The following CD109 variants were observed in gnomAD, a reference collection of about 807,000 sequenced individuals.
CD109 encodes the protein CD109 antigen.
A neutral mutation model predicts 165.8 loss-of-function variants in CD109; 149 were observed. The ratio of observed to expected loss-of-function variants is 0.90; its 90% CI spans 0.79 to 1.03. The LOEUF is 1.03. CD109 is among the 50% of genes least tolerant of loss of function. The pLI is 0.00. For missense variants in CD109, 1,712 were observed against 1,677.8 expected (o/e 1.02, Z -0.36); for synonymous variants, 585 against 592.1 (o/e 0.99, Z 0.18).
At chr6:73,781,007 G>A (rs1405974109) in intron 16 of CD109, among the ~76,000 whole-genome samples, 3 of 143,770 alleles carry the variant, frequency 2.1e-5, no homozygotes, top group East Asian at 2.0e-4. Context: ...ATGTGTATGC[G>A]TGTGTGTGTG....
chr6:73,809,715 G>A (rs1426074882), intron 26 of CD109, among the ~76,000 whole-genome samples: 1 of 152,072 alleles, frequency 6.6e-6, no homozygotes, highest in African/African-American at 2.4e-5. Context: ...AACAGAAATT[G>A]GACACACTTC....
chr6:73,781,669 TG>T (rs1774504799), intron 17 of CD109, among the ~76,000 whole-genome samples: 5 of 57,496 alleles, frequency 8.7e-5, no homozygotes, highest in Admixed American at 1.9e-4. Flanking sequence ...AACATATTTT[TG>T]AAATATTTTT....
At chr6:73,702,036 G>A (rs1467711801) in intron 2 of CD109, among the ~76,000 whole-genome samples, 1 of 152,156 alleles carries the variant, frequency 6.6e-6, no homozygotes, top group East Asian at 1.9e-4. Flanking sequence ...TGGTTTGGGG[G>A]CACCATTTTT....
chr6:73,743,979 C>T (rs752090018), intron 5 of CD109, among the ~76,000 whole-genome samples: 1 of 152,126 alleles, frequency 6.6e-6, no homozygotes, highest in Non-Finnish European at 1.5e-5. Context: ...CCAAAGGCCC[C>T]GATAAACACC....
intron 23 of CD109, among the ~76,000 whole-genome samples, chr6:73,793,735 T>C (rs1238617938): frequency 6.6e-6 from 1 of 152,218 alleles, no homozygotes; most frequent in African/African-American, 2.4e-5. Flanking sequence ...AGTCTCAGTT[T>C]TGTATTTCCT....
chr6:73,686,040 T>G, the CD109 span, among the ~76,000 whole-genome samples: 2 of 152,276 alleles, frequency 1.3e-5, no homozygotes, highest in Non-Finnish European at 2.9e-5. Flanking sequence ...CCATTTTGCA[T>G]GATATTAGCT....
In CD109 at chr6:73,782,597, T is replaced by A; in HGVS notation, c.1964-17T>A. On this transcript the variant is annotated splice_polypyrimidine_tract_variant and intron_variant, in intron 17 of 32. Coordinates refer to ENST00000287097, the MANE Select transcript of CD109 (RefSeq NM_133493.5). Reference sequence around the variant, plus strand: ...CCAGTGACTGTTTTTCTAACTACTGTCAATGTTTATTTATAGATGACAATG... The same window carrying A: ...CCAGTGACTGTTTTTCTAACTACTGACAATGTTTATTTATAGATGACAATG... 1 of 1,606,026 alleles carries A rather than the reference T, an allele frequency of 6.2e-7. No homozygotes were observed. The highest frequency in any genetic ancestry group is 8.5e-7 in the Non-Finnish European group (1 of 1,174,054).
chr6:73,780,521 A>G, intron 16 of CD109, 23 bp downstream of exon 16: 1 of 1,462,710 alleles, frequency 6.8e-7, no homozygotes, highest in Non-Finnish European at 9.6e-7. Flanking sequence ...TGCTATATTG[A>G]AAAGATATTA....
chr6:73,716,171 T>C (rs1424075428), intron 2 of CD109, among the ~76,000 whole-genome samples: 1 of 152,230 alleles, frequency 6.6e-6, no homozygotes, highest in African/African-American at 2.4e-5. Flanking sequence ...TCTTTATCCA[T>C]TCATTTGTTG....
chr6:73,753,037 C>CT (rs1223256647), intron 5 of CD109, among the ~76,000 whole-genome samples: 1 of 151,986 alleles, frequency 6.6e-6, no homozygotes, highest in Non-Finnish European at 1.5e-5. Context: ...CATTTTATTC[C>CT]TTTTTTTAAA....
intron 23 of CD109, among the ~76,000 whole-genome samples, chr6:73,794,615 G>A (rs757318252): frequency 1.3e-5 from 2 of 152,142 alleles, no homozygotes; most frequent in African/African-American, 2.4e-5. Flanking sequence ...AAGGGGTTGC[G>A]GGTCAGGAAC....
intron 5 of CD109, among the ~76,000 whole-genome samples, chr6:73,748,720 G>C (rs1773075435): frequency 6.6e-6 from 1 of 152,218 alleles, no homozygotes; most frequent in African/African-American, 2.4e-5. Context: ...AGCTGATTCT[G>C]ATGCTGAGTT....
At chr6:73,786,389 A>T (rs1275601281) in intron 20 of CD109, among the ~76,000 whole-genome samples, 3 of 151,922 alleles carry the variant, frequency 2.0e-5, no homozygotes, top group African/African-American at 7.2e-5. Context: ...AATTTTTTTT[A>T]ATTTAAATTT....
chr6:73,715,163 G>A (rs1315930841), intron 2 of CD109, among the ~76,000 whole-genome samples: 1 of 152,212 alleles, frequency 6.6e-6, no homozygotes, highest in Non-Finnish European at 1.5e-5. Context: ...GGGAGGCTGA[G>A]GCATGAGAAT....
At chr6:73,788,754 A>G (rs1774799302) in intron 22 of CD109, 142 bp downstream of exon 22, 1 of 665,960 alleles carries the variant, frequency 1.5e-6, no homozygotes, top group Middle Eastern at 4.0e-4. Flanking sequence ...ACAACTCATT[A>G]TAATATGAAG....
At chr6:73,767,133 G>A (rs2150230581) in intron 13 of CD109, 123 bp downstream of exon 13, 1 of 768,398 alleles carries the variant, frequency 1.3e-6, no homozygotes, top group East Asian at 2.7e-5. Flanking sequence ...GGGGTTTGTT[G>A]TACAGATTAT....
chr6:73,791,182 C>CAT (rs1774940301), intron 22 of CD109, among the ~76,000 whole-genome samples: 7 of 50,990 alleles, frequency 1.4e-4, no homozygotes, highest in African/African-American at 5.3e-4. Flanking sequence ...TATATACACA[C>CAT]ACACACATAC....
At chr6:73,716,666 G>A (rs1771756169) in intron 2 of CD109, among the ~76,000 whole-genome samples, 1 of 152,140 alleles carries the variant, frequency 6.6e-6, no homozygotes, top group African/African-American at 2.4e-5. Flanking sequence ...AGTTCCTTAT[G>A]TGTTTTGGTT....
At chr6:73,763,267 T>C (rs151108232) in intron 9 of CD109, among the ~76,000 whole-genome samples, 1 of 152,348 alleles carries the variant, frequency 6.6e-6, no homozygotes, top group East Asian at 1.9e-4. Context: ...CTTGGACCTT[T>C]CTGTTACTAT....
Sources: allele counts gnomAD v4.1 joint callset (sites outside exome capture counted in the v4.1 genomes callset), GRCh38; gene constraint gnomAD v4.1.1; transcripts MANE v1.5; gene names NCBI Gene and HGNC (gene_info 2026-07-23, HGNC 2026-07-21).